The following TTC34 variants were observed in gnomAD, a reference collection of about 807,000 sequenced individuals.
TTC34 encodes the protein tetratricopeptide repeat protein 34.
Under a neutral mutation model 40.7 loss-of-function variants are expected in TTC34, and 44 were observed. The observed-to-expected ratio is 1.08, with a 90% CI of 0.85 to 1.39. The LOEUF is 1.39. Among genes scored for constraint, TTC34 ranks in the 40% most tolerant of loss-of-function variants. The pLI is 0.00. For synonymous variants in TTC34, 422 were observed against 398.6 expected (o/e 1.06, Z -0.70); for missense variants, 884 against 838.0 (o/e 1.05, Z -0.68).
chr1:2,647,414 G>A (rs533705518), intron 6 of TTC34, among the ~76,000 whole-genome samples: 6 of 152,230 alleles, frequency 3.9e-5, no homozygotes, highest in African/African-American at 1.4e-4. Context: ...CCAGAGGTCA[G>A]GAGATCGAGA....
chr1:2,757,713 C>A (rs1191394930), intron 6 of TTC34, among the ~76,000 whole-genome samples: 1 of 146,328 alleles, frequency 6.8e-6, no homozygotes, highest in African/African-American at 2.6e-5. Context: ...ACCCCACACC[C>A]ACAGGTGAGC....
chr1:2,769,525 A>T (rs1641963782), intron 6 of TTC34, among the ~76,000 whole-genome samples: 1 of 100,810 alleles, frequency 9.9e-6, no homozygotes. Context: ...TGAGCATCTG[A>T]CAACCTGGAG....
intron 6 of TTC34, among the ~76,000 whole-genome samples, chr1:2,782,866 G>A (rs1643507445): frequency 6.6e-6 from 1 of 152,164 alleles, no homozygotes; most frequent in Non-Finnish European, 1.5e-5. Context: ...ACAGTGCTCA[G>A]GGCAGCAGGC....
At chr1:2,755,075 GT>G (rs1641460940) in intron 6 of TTC34, among the ~76,000 whole-genome samples, 2 of 31,924 alleles carry the variant, frequency 6.3e-5, no homozygotes, top group African/African-American at 3.5e-4. Context: ...AGGTGCGCAC[GT>G]GACAGCCTGG....
chr1:2,686,701 C>T (rs1416817097), intron 6 of TTC34, among the ~76,000 whole-genome samples: 34 of 138,692 alleles, frequency 2.5e-4, no homozygotes, highest in African/African-American at 5.7e-4. Flanking sequence ...GCGCACGTGA[C>T]AGCCTGGAAC....
chr1:2,769,439 A>T (rs1569760277), intron 6 of TTC34, among the ~76,000 whole-genome samples: 1 of 45,526 alleles, frequency 2.2e-5, no homozygotes, highest in Admixed American at 2.0e-4. Flanking sequence ...CCAGGTGAGC[A>T]TCTGACAGCC....
intron 3 of TTC34, among the ~76,000 whole-genome samples, chr1:2,788,765 T>G (rs2100628352): frequency 6.6e-6 from 1 of 152,148 alleles, no homozygotes; most frequent in East Asian, 1.9e-4. Context: ...GGAGAGAACA[T>G]CCTGGAGACA....
intron 6 of TTC34, among the ~76,000 whole-genome samples, chr1:2,691,528 G>T (rs1351387057): frequency 9.4e-6 from 1 of 105,846 alleles, no homozygotes; most frequent in Admixed American, 9.7e-5. Flanking sequence ...GGAGAGTCTG[G>T]AACAGAACCC....
chr1:2,753,127 A>AC (rs1641381521), intron 6 of TTC34, among the ~76,000 whole-genome samples: 1 of 121,952 alleles, frequency 8.2e-6, no homozygotes, highest in Non-Finnish European at 1.7e-5. Flanking sequence ...CTGGAACAGC[A>AC]CCAAAAACCC....
intron 6 of TTC34, among the ~76,000 whole-genome samples, chr1:2,657,372 C>A (rs1171311885): frequency 3.1e-5 from 3 of 95,630 alleles, no homozygotes; most frequent in Non-Finnish European, 8.3e-5. Flanking sequence ...CTTGGAGCAG[C>A]ACCCACACCC....
chr1:2,759,677 A>AC (rs1641628513), intron 6 of TTC34, among the ~76,000 whole-genome samples: 2 of 137,534 alleles, frequency 1.5e-5, no homozygotes, highest in Non-Finnish European at 3.1e-5. Flanking sequence ...CAGCACCAAC[A>AC]ACCCCAGGCT....
At chr1:2,650,094 C>A (rs1639098436) in intron 6 of TTC34, among the ~76,000 whole-genome samples, 1 of 151,286 alleles carries the variant, frequency 6.6e-6, no homozygotes, top group African/African-American at 2.4e-5. Context: ...ACTCTGCATC[C>A]CCAGGTGAAC....
chr1:2,790,754 C>T lies in TTC34; in HGVS notation c.785-408G>A, dbSNP rs1643654049. On this transcript the variant is annotated intron_variant, in intron 2 of 8. Coordinates refer to ENST00000401095, the Ensembl canonical transcript of TTC34. Reference sequence around the variant, plus strand: ...CCTCCTCTGGGAATCAGTGCCCCTCCACTCCCAGGGCAGAGCTGAAGCTCC... The same window carrying T: ...CCTCCTCTGGGAATCAGTGCCCCTCTACTCCCAGGGCAGAGCTGAAGCTCC... Among the ~76,000 whole-genome samples, 2 of 152,234 alleles carry T rather than the reference C, an allele frequency of 1.3e-5. 1 individual carries two copies. Among genetic ancestry groups the T allele is most frequent in the Non-Finnish European group, 2.9e-5 (2 of 68,040 alleles).
At chr1:2,675,102 C>G (rs1365290639) in intron 6 of TTC34, among the ~76,000 whole-genome samples, 86 of 9,206 alleles carry the variant, frequency 9.3e-3, no homozygotes, top group East Asian at 0.041. Context: ...CATCTGACAG[C>G]CTGGAGCAGT....
chr1:2,650,439 C>T (rs1262475706), intron 6 of TTC34, among the ~76,000 whole-genome samples: 1 of 151,766 alleles, frequency 6.6e-6, no homozygotes, highest in Non-Finnish European at 1.5e-5. Flanking sequence ...GAGTGTGTGA[C>T]AGCCTGGAAC....
chr1:2,653,322 A>G (rs57267388), intron 6 of TTC34, among the ~76,000 whole-genome samples: 12,076 of 91,332 alleles, frequency 0.13, no homozygotes, highest in South Asian at 0.26. Flanking sequence ...GGAACAGCAC[A>G]CACACCCCCA....
rs536134964 is a variant in TTC34 at position 2,651,738 on chromosome 1, C to A, written c.2227-6175G>T. ...CCCTCTCCAACCTTCAGGTGATTAT[C>A]TGACAACCTAGAACAGCACCCTCCA... On this transcript the variant is annotated intron_variant, in intron 6 of 8. Coordinates refer to ENST00000401095, the Ensembl canonical transcript of TTC34. 2.0e-5 allele frequency among the ~76,000 whole-genome samples: 3 copies of A among 151,546 alleles called. No homozygotes were observed. The South Asian group carries it at 6.3e-4, about 32-fold the overall frequency.
At chr1:2,687,742 C>A (rs535672689) in intron 6 of TTC34, among the ~76,000 whole-genome samples, 3 of 123,500 alleles carry the variant, frequency 2.4e-5, no homozygotes, top group Non-Finnish European at 4.8e-5. Flanking sequence ...GGTGAACATC[C>A]GACAGCCTGG....
rs1641316215 is a variant in TTC34, at chr1:2,751,443, AGAC to A, written c.2226+32163_2226+32165del. Among the ~76,000 whole-genome samples the A allele has an allele frequency of 1.4e-3, 143 of 99,142 alleles. 2 individuals carry two copies. The highest frequency in any genetic ancestry group is 2.2e-3 in the South Asian group (5 of 2,304). 65.0% of individuals were successfully genotyped at this position (99,142 alleles called of 152,430 possible). A position where few individuals can be genotyped will look rare whatever the true frequency, so the allele number is the denominator to read the frequency against. ...CATCTGACAGCCTGGAACAGAGCCC[AGAC>A]CCCCAGGTGAGCATCTGACAGACTG... On this transcript the variant is annotated intron_variant, in intron 6 of 8. Transcript: ENST00000401095.
Sources: allele counts gnomAD v4.1 joint callset (sites outside exome capture counted in the v4.1 genomes callset), GRCh38; gene constraint gnomAD v4.1.1; transcripts MANE v1.5; gene names NCBI Gene and HGNC (gene_info 2026-07-23, HGNC 2026-07-21).